Variants in OSBPL1A observed in about 807,000 individuals in gnomAD.
OSBPL1A encodes the protein oxysterol-binding protein-related protein 1.
In OSBPL1A, 80 loss-of-function variants were observed where a neutral mutation model predicts 137.1. The ratio of observed to expected loss-of-function variants is 0.58; its 90% CI spans 0.49 to 0.70. The LOEUF is 0.70. Among genes scored for constraint, OSBPL1A ranks in the 30% least tolerant of loss-of-function variants. The pLI is 0.00. For synonymous variants in OSBPL1A, 365 were observed against 389.7 expected (o/e 0.94, Z 0.75); for missense variants, 970 against 1,129.4 (o/e 0.86, Z 2.02).
At chr18:24,225,843 G>A (rs2088059226) in intron 16 of OSBPL1A, among the ~76,000 whole-genome samples, 1 of 151,924 alleles carries the variant, frequency 6.6e-6, no homozygotes, top group Non-Finnish European at 1.5e-5. Flanking sequence ...ATGGTGGTGT[G>A]CACCTGTAGT....
chr18:24,321,189 T>C (rs2090846836), intron 7 of OSBPL1A, among the ~76,000 whole-genome samples: 1 of 152,120 alleles, frequency 6.6e-6, no homozygotes. Context: ...CAAATTAACA[T>C]ACAATTTACT....
chr18:24,295,774 T>C (rs1244744833), intron 14 of OSBPL1A, among the ~76,000 whole-genome samples: 1 of 152,210 alleles, frequency 6.6e-6, no homozygotes, highest in Non-Finnish European at 1.5e-5. Context: ...TTTATGTTTT[T>C]GTATGCTTTG....
At chr18:24,390,699 A>G (rs1285769812) in intron 1 of OSBPL1A, among the ~76,000 whole-genome samples, 8 of 109,660 alleles carry the variant, frequency 7.3e-5, no homozygotes, top group Admixed American at 1.9e-4. Context: ...CGTCTCAAAA[A>G]AAAAAAAAAA....
At position 24,334,262 on chromosome 18, in the gene OSBPL1A, T is replaced by C. The variant is rs754679168; in HGVS notation, c.463A>G (p.Thr155Ala). The C allele has an allele frequency of 5.6e-6, 9 of 1,612,132 alleles. No homozygotes were observed. Among genetic ancestry groups the C allele is most frequent in the Non-Finnish European group, 6.8e-6 (8 of 1,179,438 alleles). Residue 155 changes from threonine to alanine, a missense_variant, in exon 6 of 28, where the codon ACA becomes GCA. Thr to Ala is a moderately conservative substitution (Grantham distance 58, BLOSUM62 0). Around this residue, in one of 2 missense-constraint regions of OSBPL1A, gnomAD observed 647 missense variants for 672.6 expected, o/e 0.96. Coordinates refer to ENST00000319481, the MANE Select transcript of OSBPL1A (RefSeq NM_080597.4). ...TGTTTTACCAGAGCTGTGAGTTCTG[T>C]TGTTTTGCCTTCTCTTGCTGCTGCT... ...LLAAAREGKT[T>A]ELTALLNRPN...
At chr18:24,169,873 G>A (rs2086233762) in intron 24 of OSBPL1A, among the ~76,000 whole-genome samples, 1 of 152,192 alleles carries the variant, frequency 6.6e-6, no homozygotes. Context: ...GCAGCCCAGG[G>A]ATGACTCCTT....
At chr18:24,198,262 A>G (rs917588935) in intron 17 of OSBPL1A, among the ~76,000 whole-genome samples, 3 of 152,358 alleles carry the variant, frequency 2.0e-5, no homozygotes, top group Admixed American at 6.5e-5. Flanking sequence ...CAAGAATAGC[A>G]GAAAGGCAAG....
intron 17 of OSBPL1A, among the ~76,000 whole-genome samples, chr18:24,221,199 G>A (rs1445621841): frequency 6.6e-6 from 1 of 152,128 alleles, no homozygotes; most frequent in African/African-American, 2.4e-5. Flanking sequence ...TTCCTGGAAG[G>A]TATTTTCTTA....
Position 24,318,612 on chromosome 18 carries a change from G to C in OSBPL1A, c.721C>G (p.Pro241Ala). The C allele has an allele frequency of 6.2e-7, 1 of 1,609,128 alleles. No homozygotes were observed. Among genetic ancestry groups the C allele is most frequent in the South Asian group, 1.1e-5 (1 of 90,138 alleles). ...CCACCTCAACTTACCTTCCAGAGAGGGCCCTCATATCGTTTCAATGCTTTG... is the reference window on the plus strand; with the variant it reads ...CCACCTCAACTTACCTTCCAGAGAGCGCCCTCATATCGTTTCAATGCTTTG... ...IYKALKRYEG[P>A]LWKSSRFFGW... The change falls in exon 9 of 28, where the codon CCT (proline) becomes GCT (alanine). Residue 241 changes from proline to alanine, a missense_variant. Pro to Ala is a conservative substitution (Grantham distance 27). This residue lies in a region of OSBPL1A where 647 missense variants were observed against 672.6 expected (regional missense o/e 0.96). Transcript: ENST00000319481.
intron 15 of OSBPL1A, among the ~76,000 whole-genome samples, chr18:24,263,696 C>T (rs1325868713): frequency 1.3e-5 from 2 of 152,036 alleles, no homozygotes; most frequent in African/African-American, 2.4e-5. Context: ...AGTGCAGTGG[C>T]GCGATCTCGG....
intron 15 of OSBPL1A, among the ~76,000 whole-genome samples, chr18:24,274,456 CAGG>C (rs2089798406): frequency 6.6e-6 from 1 of 152,094 alleles, no homozygotes; most frequent in South Asian, 2.1e-4. Context: ...GATCAGAACT[CAGG>C]AGAAGTCTGA....
At chr18:24,187,699 G>T (rs957094392) in intron 18 of OSBPL1A, among the ~76,000 whole-genome samples, 2 of 152,226 alleles carry the variant, frequency 1.3e-5, no homozygotes, top group African/African-American at 4.8e-5. Context: ...AAGGTTGCAG[G>T]AAAGCAAGTA....
chr18:24,243,078 A>C (rs2088760549), intron 15 of OSBPL1A, among the ~76,000 whole-genome samples: 2 of 152,144 alleles, frequency 1.3e-5, no homozygotes, highest in African/African-American at 2.4e-5. Flanking sequence ...GAAAATACAA[A>C]ATAAGCCAGG....
chr18:24,317,841 G>A (rs1315924674), intron 9 of OSBPL1A, among the ~76,000 whole-genome samples: 1 of 152,140 alleles, frequency 6.6e-6, no homozygotes, highest in Admixed American at 6.5e-5. Flanking sequence ...GCTCTTCAAG[G>A]TTAATTCTAG....
rs2146059018 is a variant in OSBPL1A, at chr18:24,271,822, G to A, written c.1281+9020C>T. The stretch of plus-strand genomic sequence containing the variant: ...GCCTGCCCCTGGCTCCGGCCGGGCA[G>A]CAGCGCCAGCCTTCCCCAGCGAGGT... On this transcript the variant is annotated intron_variant, in intron 15 of 27. Coordinates refer to ENST00000319481, the MANE Select transcript of OSBPL1A (RefSeq NM_080597.4). This position sits in a 1 kb window ranked among gnomAD's most constrained non-coding sequence, Gnocchi z 4.0. 2 of 985,422 alleles carry A rather than the reference G, an allele frequency of 2.0e-6. No individual in the cohort carries two copies. The highest frequency in any genetic ancestry group is 2.4e-6 in the Non-Finnish European group (2 of 830,004). 61.0% of individuals were successfully genotyped at this position (985,422 alleles called of 1,614,324 possible). A position where few individuals can be genotyped will look rare whatever the true frequency, so the allele number is the denominator to read the frequency against.
chr18:24,366,508 A>C (rs2091703068), intron 4 of OSBPL1A: 1 of 155,694 alleles, frequency 6.4e-6, no homozygotes, highest in African/African-American at 2.4e-5. Context: ...CTTTTTGTAC[A>C]TCTTTAGTGT....
intron 13 of OSBPL1A, chr18:24,311,412 A>G (rs1357134003): frequency 1.0e-6 from 1 of 956,728 alleles, no homozygotes; most frequent in Admixed American, 6.2e-5. Flanking sequence ...GTACAGCCAG[A>G]AAATTGATGA....
At chr18:24,222,257 T>TC (rs1335329744) in intron 17 of OSBPL1A, among the ~76,000 whole-genome samples, 3 of 152,164 alleles carry the variant, frequency 2.0e-5, no homozygotes, top group African/African-American at 7.2e-5. Flanking sequence ...TATGGTTTAC[T>TC]CCTTTAATCT....
intron 4 of OSBPL1A, among the ~76,000 whole-genome samples, chr18:24,354,748 C>CAAAAAAAAAAAAAAAAAAA (rs59694707): frequency 3.9e-4 from 30 of 77,082 alleles, no homozygotes; most frequent in South Asian, 1.3e-3. Context: ...CTCAATATAG[C>CAAAAAAAAAAAAAAAAAAA]AAAAAAAAAA....
intron 14 of OSBPL1A, among the ~76,000 whole-genome samples, chr18:24,289,302 T>C (rs1170211591): frequency 6.6e-6 from 1 of 152,168 alleles, no homozygotes; most frequent in Non-Finnish European, 1.5e-5. Context: ...CCTTACATTG[T>C]AGATCTGGTT....
Sources: allele counts gnomAD v4.1 joint callset (sites outside exome capture counted in the v4.1 genomes callset), GRCh38; gene constraint gnomAD v4.1.1; regional missense constraint gnomAD v4.1.1; non-coding constraint Gnocchi (gnomAD v3.1); transcripts MANE v1.5; gene names NCBI Gene and HGNC (gene_info 2026-07-23, HGNC 2026-07-21).